The following SENP7 variants were observed in gnomAD, a reference collection of about 807,000 sequenced individuals.
SENP7 encodes the protein SUMO specific peptidase 7, also known as sentrin-specific protease 7.
A neutral mutation model predicts 141.2 loss-of-function variants in SENP7; 64 were observed. The ratio of observed to expected loss-of-function variants is 0.45; its 90% CI spans 0.37 to 0.56. SENP7 has a LOEUF of 0.56. Among genes scored for constraint, SENP7 ranks in the 20% least tolerant of loss-of-function variants. The pLI is 0.00. For missense variants in SENP7, 1,025 were observed against 1,212.2 expected (o/e 0.85, Z 2.29); for synonymous variants, 382 against 426.4 (o/e 0.90, Z 1.28).
At position 101,334,330 on chromosome 3, in the gene SENP7, G is replaced by C. The variant is rs577605730; in HGVS notation, c.2481-1468C>G. ...TTGACTGTCAAAAGAAAGGTTTTAGGAAGGAAGAAAATGACATTTAACAGG... is the reference window on the plus strand; with the variant it reads ...TTGACTGTCAAAAGAAAGGTTTTAGCAAGGAAGAAAATGACATTTAACAGG... On this transcript the variant is annotated intron_variant, in intron 17 of 23. Coordinates refer to ENST00000394095, the MANE Select transcript of SENP7 (RefSeq NM_020654.5). 1.0e-3 allele frequency among the ~76,000 whole-genome samples: 152 copies of C among 152,254 alleles called. 1 individual carries two copies. Among genetic ancestry groups the C allele is most frequent in the African/African-American group, 3.3e-3 (138 of 41,544 alleles).
intron 7 of SENP7, among the ~76,000 whole-genome samples, chr3:101,371,569 T>A (rs1483117284): frequency 6.6e-6 from 1 of 152,198 alleles, no homozygotes; most frequent in Non-Finnish European, 1.5e-5. Context: ...GTATTTACCT[T>A]CAAATTTGCT....
chr3:101,479,571 T>C (rs1428218234), intron 3 of SENP7, among the ~76,000 whole-genome samples: 1 of 151,120 alleles, frequency 6.6e-6, no homozygotes, highest in African/African-American at 2.4e-5. Flanking sequence ...ATCATGCCAC[T>C]ATACTCCAGC....
chr3:101,442,640 CA>C (rs542746486), intron 4 of SENP7, among the ~76,000 whole-genome samples: 1 of 149,388 alleles, frequency 6.7e-6, no homozygotes, highest in Non-Finnish European at 1.5e-5. Flanking sequence ...AAAAACAATA[CA>C]AAAAAAAATC....
chr3:101,463,520 C>T (rs1361166654), intron 3 of SENP7, among the ~76,000 whole-genome samples: 2 of 150,646 alleles, frequency 1.3e-5, no homozygotes, highest in Non-Finnish European at 3.0e-5. Context: ...CCACTGAGTG[C>T]AACTAAGAAT....
Position 101,440,957 on chromosome 3 carries a change from G to A in SENP7, c.284+17998C>T, listed in dbSNP as rs75107143. On this transcript the variant is annotated intron_variant, in intron 4 of 23. Transcript: ENST00000394095. ...ACATGCATACATTATTTTGAAAGCC[G>A]CTACCAAATTAAGAATAGAAAGGAA... Among the ~76,000 whole-genome samples, 1,508 of 152,184 alleles carry A rather than the reference G, an allele frequency of 9.9e-3. 27 individuals carry two copies. The highest frequency in any genetic ancestry group is 0.033 in the African/African-American group (1,353 of 41,494).
At chr3:101,431,508 C>CTTTTTTTTTTTTTT (rs56937965) in intron 4 of SENP7, among the ~76,000 whole-genome samples, 3 of 82,908 alleles carry the variant, frequency 3.6e-5, no homozygotes, top group Non-Finnish European at 6.7e-5. Flanking sequence ...GCAACCCCTG[C>CTTTTTTTTTTTTTT]TTTTTTTTTT....
rs575904336 is a variant in SENP7 at position 101,409,227 on chromosome 3, CAA to C, written c.482+8364_482+8365del. ...TAAAATACTTAGGAATATATCTAAC[CAA>C]AGAGTCAAAAGGCCTCTTCTACAAG... On this transcript the variant is annotated intron_variant, in intron 5 of 23. Coordinates refer to ENST00000394095, the MANE Select transcript of SENP7 (RefSeq NM_020654.5). Among the ~76,000 whole-genome samples, 1,480 of 152,086 alleles carry C rather than the reference CAA, an allele frequency of 9.7e-3. 25 individuals carry two copies. Among genetic ancestry groups the C allele is most frequent in the African/African-American group, 0.034 (1,400 of 41,488 alleles).
chr3:101,332,691 T>C, intron 18 of SENP7, 79 bp downstream of exon 18: 3 of 886,234 alleles, frequency 3.4e-6, no homozygotes, highest in Non-Finnish European at 3.2e-6. Flanking sequence ...TAATTTTTAC[T>C]GATTATGAAT....
chr3:101,443,660 CT>C, intron 4 of SENP7, among the ~76,000 whole-genome samples: 1 of 150,034 alleles, frequency 6.7e-6, no homozygotes, highest in African/African-American at 2.5e-5. Context: ...TGAAGAGGTC[CT>C]TCACATCACT....
At chr3:101,339,733 A>T (rs910287765) in intron 16 of SENP7, among the ~76,000 whole-genome samples, 5 of 152,118 alleles carry the variant, frequency 3.3e-5, no homozygotes, top group African/African-American at 1.2e-4. Flanking sequence ...AAAAAAAAAA[A>T]GATACAACAG....
intron 4 of SENP7, among the ~76,000 whole-genome samples, chr3:101,423,009 A>G (rs62280720): frequency 6.6e-6 from 1 of 152,040 alleles, no homozygotes; most frequent in Non-Finnish European, 1.5e-5. Flanking sequence ...GGAGTCCTAC[A>G]TTTTGATTCC....
chr3:101,339,883 CTCT>C (rs2059286192), intron 16 of SENP7, among the ~76,000 whole-genome samples: 1 of 152,140 alleles, frequency 6.6e-6, no homozygotes, highest in African/African-American at 2.4e-5. Flanking sequence ...AAAGCAGCAA[CTCT>C]TCTTAACTAT....
At chr3:101,351,590 A>G in intron 12 of SENP7, 28 bp downstream of exon 12, 1 of 1,330,492 alleles carries the variant, frequency 7.5e-7, no homozygotes, top group Non-Finnish European at 9.9e-7. Context: ...TAGTAAAAAG[A>G]CAAGTTCATA....
At chr3:101,417,936 T>TCTTTAGTTTAATTAGATCCCATTTGTC in intron 4 of SENP7, 146 bp from the exon 5 acceptor site, 1 of 619,908 alleles carries the variant, frequency 1.6e-6, no homozygotes, top group East Asian at 2.8e-5. Flanking sequence ...AAAAAATGCC[T>TCTTTAGTTTAATTAGATCCCATTTGTC]AACTATTATC....
At chr3:101,341,523 C>A in intron 15 of SENP7, 123 bp downstream of exon 15, 1 of 837,832 alleles carries the variant, frequency 1.2e-6, no homozygotes, top group Admixed American at 3.4e-5. Flanking sequence ...AACCTATTTC[C>A]ATTACTATCA....
chr3:101,472,255 A>G (rs7614115), intron 3 of SENP7, among the ~76,000 whole-genome samples: 60,369 of 152,048 alleles, frequency 0.4, 12,508 homozygotes, highest in Admixed American at 0.54. Flanking sequence ...ACCAACCCAA[A>G]TGTCCATCAA....
At chr3:101,348,511 G>A (rs1480539346) in intron 12 of SENP7, among the ~76,000 whole-genome samples, 1 of 151,960 alleles carries the variant, frequency 6.6e-6, no homozygotes, top group Non-Finnish European at 1.5e-5. Context: ...TTCTATATTG[G>A]TCAATACTAT....
intron 8 of SENP7, 133 bp from the exon 9 acceptor site, chr3:101,366,902 A>G: frequency 1.7e-6 from 1 of 597,076 alleles, no homozygotes; most frequent in Non-Finnish European, 2.9e-6. Flanking sequence ...AAACAATTAT[A>G]CTACATTATA....
At position 101,351,083 on chromosome 3, in the gene SENP7, C is replaced by T. The variant is rs568878342; in HGVS notation, c.1657+535G>A. Among the ~76,000 whole-genome samples the T allele has an allele frequency of 5.3e-5, 8 of 151,958 alleles. 1 individual carries two copies. Among genetic ancestry groups the T allele is most frequent in the African/African-American group, 1.2e-4 (5 of 41,502 alleles). ...TTTCTTCCTTGTTCTTTTTAGAATTCATTATATAAATAGATTATCCTCTAT... is the reference window on the plus strand; with the variant it reads ...TTTCTTCCTTGTTCTTTTTAGAATTTATTATATAAATAGATTATCCTCTAT... On this transcript the variant is annotated intron_variant, in intron 12 of 23. Transcript: ENST00000394095.
Sources: allele counts gnomAD v4.1 joint callset (sites outside exome capture counted in the v4.1 genomes callset), GRCh38; gene constraint gnomAD v4.1.1; transcripts MANE v1.5; gene names NCBI Gene and HGNC (gene_info 2026-07-23, HGNC 2026-07-21).